MTMR10: variants seen among roughly 807,000 people sequenced by gnomAD.
MTMR10 encodes the protein myotubularin related protein 10.
Under a neutral mutation model 88.1 loss-of-function variants are expected in MTMR10, and 56 were observed. The observed-to-expected ratio is 0.64, with a 90% confidence interval of 0.51 to 0.79. MTMR10 has a LOEUF of 0.79. Ranked by LOEUF, MTMR10 falls within the 30% of genes least tolerant of loss-of-function variation. MTMR10 has a pLI of 0.00. For synonymous variants in MTMR10, 380 were observed against 340.9 expected (o/e 1.11, Z -1.26); for missense variants, 883 against 924.7 (o/e 0.95, Z 0.58).
At chr15:30,954,668 C>T in intron 10 of MTMR10, 95 bp downstream of exon 10, 1 of 1,217,720 alleles carries the variant, frequency 8.2e-7, no homozygotes, top group Non-Finnish European at 1.1e-6. Flanking sequence ...TTAAATATAT[C>T]TATTTCTACA....
At chr15:30,945,142 G>A (rs1456402538) in intron 14 of MTMR10, among the ~76,000 whole-genome samples, 1 of 152,070 alleles carries the variant, frequency 6.6e-6, no homozygotes, top group Non-Finnish European at 1.5e-5. Flanking sequence ...GAAAAAAAAG[G>A]AAGAAATGCT....
intron 9 of MTMR10, among the ~76,000 whole-genome samples, chr15:30,956,584 C>A (rs1034690729): frequency 2.0e-5 from 3 of 152,142 alleles, no homozygotes; most frequent in African/African-American, 7.2e-5. Context: ...GGCCCTGTGG[C>A]AGGTAACAAG....
At chr15:30,931,377 T>G in the MTMR10 span, among the ~76,000 whole-genome samples, 1 of 152,170 alleles carries the variant, frequency 6.6e-6, no homozygotes, top group Non-Finnish European at 1.5e-5. Context: ...AGTCTATGGC[T>G]TGTCTTTTCA....
chr15:30,937,241 C>T, downstream of MTMR10: 1 of 1,612,980 alleles, frequency 6.2e-7, no homozygotes, highest in Non-Finnish European at 8.5e-7. Flanking sequence ...GAGCTAAGAG[C>T]CAAAGCCTTA....
At chr15:30,961,116 T>C (rs1305870711) in intron 6 of MTMR10, 43 bp from the exon 7 acceptor site, 1 of 1,506,128 alleles carries the variant, frequency 6.6e-7, no homozygotes, top group African/African-American at 1.4e-5. Context: ...AGTCACATTT[T>C]CCCCAGCATT....
Position 30,991,470 on chromosome 15 carries a change from AC to A in MTMR10, c.36del (p.Arg12SerfsTer34). 1 of 1,513,390 alleles carries A rather than the reference AC, an allele frequency of 6.6e-7. No individual in the cohort carries two copies. The allele number at this position is 1,513,390 out of a possible 1,614,324, so 93.7% of individuals were successfully genotyped here. On this transcript the variant is annotated frameshift_variant, in exon 1 of 16. Transcript: ENST00000435680. LOFTEE classifies it high-confidence loss of function. ...FSLKPPKPTF[R>X]SYLLPPPQTD... ...ACCTGGGGCGGTGGCAGGAGGTAGGACCTGAAGGTGGGTTTGGGCGGCTTGA... is the reference window on the plus strand; with the variant it reads ...ACCTGGGGCGGTGGCAGGAGGTAGGACTGAAGGTGGGTTTGGGCGGCTTGA...
intron 2 of MTMR10, among the ~76,000 whole-genome samples, chr15:30,986,706 T>C (rs566687376): frequency 6.6e-6 from 1 of 152,270 alleles, no homozygotes; most frequent in South Asian, 2.1e-4. Flanking sequence ...AAAAACTTCA[T>C]CCAAATCTGA....
chr15:30,930,880 CAG>C, the MTMR10 span, among the ~76,000 whole-genome samples: 1 of 152,146 alleles, frequency 6.6e-6, no homozygotes, highest in East Asian at 1.9e-4. Context: ...GTGAGCAAGA[CAG>C]AGCTCCATCT....
intron 10 of MTMR10, among the ~76,000 whole-genome samples, chr15:30,954,150 T>C (rs2063288547): frequency 6.6e-6 from 1 of 152,126 alleles, no homozygotes; most frequent in Non-Finnish European, 1.5e-5. Flanking sequence ...ACTAGTTTTT[T>C]CAACAACTTG....
chr15:30,966,521 C>G (rs1248093802), intron 6 of MTMR10, among the ~76,000 whole-genome samples: 1 of 152,206 alleles, frequency 6.6e-6, no homozygotes, highest in African/African-American at 2.4e-5. Flanking sequence ...GAGCAGGAAT[C>G]AAAGACTCAC....
At chr15:30,925,871 C>A in the MTMR10 span, 6 of 1,614,120 alleles carry the variant, frequency 3.7e-6, no homozygotes, top group Non-Finnish European at 5.1e-6. Context: ...GCCGCTGACC[C>A]CACCACGGTC....
At chr15:30,922,574 T>TA in the MTMR10 span, among the ~76,000 whole-genome samples, 1 of 152,178 alleles carries the variant, frequency 6.6e-6, no homozygotes, top group Non-Finnish European at 1.5e-5. Flanking sequence ...TCTTTGCTGA[T>TA]TGGCGAGATG....
At chr15:30,986,749 G>A (rs976013555) in intron 2 of MTMR10, among the ~76,000 whole-genome samples, 2 of 152,200 alleles carry the variant, frequency 1.3e-5, no homozygotes, top group Non-Finnish European at 2.9e-5. Flanking sequence ...GGGTACCAGT[G>A]ATCCAGGTCA....
Position 30,941,067 on chromosome 15 carries a change from A to T in MTMR10, c.*403T>A. The stretch of plus-strand genomic sequence containing the variant: ...ATGAATACTTCCTAAAACCTGCTGG[A>T]GGTTTTATCAGATGCTCCTAAAAAT... On this transcript the variant is annotated 3_prime_UTR_variant, in exon 16 of 16. Transcript: ENST00000435680. The T allele has an allele frequency of 8.3e-7, 1 of 1,199,742 alleles. No individual in the cohort carries two copies. Among genetic ancestry groups the T allele is most frequent in the Non-Finnish European group, 1.1e-6 (1 of 949,950 alleles). 74.3% of individuals were successfully genotyped at this position (1,199,742 alleles called of 1,614,324 possible). A position where few individuals can be genotyped will look rare whatever the true frequency, so the allele number is the denominator to read the frequency against.
chr15:30,942,877 A>T lies in MTMR10; in HGVS notation c.1731+13T>A. On this transcript the variant is annotated intron_variant, in intron 15 of 15. Coordinates refer to ENST00000435680, the MANE Select transcript of MTMR10 (RefSeq NM_017762.3). ...GTGTGAGCCAACATCACGTTTTGTT[A>T]GCTGTGATTTACCTTTGTCCGTTTA... The T allele has an allele frequency of 6.4e-7, 1 of 1,551,480 alleles. No homozygotes were observed.
At chr15:30,969,117 T>A (rs368118369) in intron 5 of MTMR10, among the ~76,000 whole-genome samples, 1 of 152,144 alleles carries the variant, frequency 6.6e-6, no homozygotes, top group Non-Finnish European at 1.5e-5. Flanking sequence ...TTGGAGTGGG[T>A]TGATGCACAT....
chr15:30,991,167 C>T, intron 1 of MTMR10: 1 of 476,762 alleles, frequency 2.1e-6, no homozygotes, highest in Non-Finnish European at 3.6e-6. Flanking sequence ...TAAAGAAAAC[C>T]CCAGCTCCCA....
chr15:30,929,314 G>A, the MTMR10 span: 1 of 1,612,568 alleles, frequency 6.2e-7, no homozygotes, highest in South Asian at 1.1e-5. Flanking sequence ...GCGGGCCTGG[G>A]TGGCAGCCAC....
intron 2 of MTMR10, among the ~76,000 whole-genome samples, chr15:30,989,850 G>C (rs1372155819): frequency 6.6e-6 from 1 of 152,124 alleles, no homozygotes; most frequent in African/African-American, 2.4e-5. Flanking sequence ...CTCCCAAAGT[G>C]CTGGGATTAC....
Sources: allele counts gnomAD v4.1 joint callset (sites outside exome capture counted in the v4.1 genomes callset), GRCh38; gene constraint gnomAD v4.1.1; transcripts MANE v1.5; gene names NCBI Gene and HGNC (gene_info 2026-07-23, HGNC 2026-07-21).